Variants in PAN3 observed in about 807,000 individuals in gnomAD.
The protein encoded by PAN3 is PAN2-PAN3 deadenylation complex subunit PAN3.
Under a neutral mutation model 96.2 loss-of-function variants are expected in PAN3, and 19 were observed. The ratio of observed to expected loss-of-function variants is 0.20; its 90% CI spans 0.14 to 0.29. PAN3 has a LOEUF of 0.29. Ranked by LOEUF, PAN3 falls within the 10% of genes least tolerant of loss-of-function variation. The probability of loss-of-function intolerance (pLI) is 1.00; values close to 1 mark genes in which losing one functional copy is unlikely to be tolerated. For synonymous variants in PAN3, 433 were observed against 406.6 expected (o/e 1.06, Z -0.78); for missense variants, 882 against 1,108.1 (o/e 0.80, Z 2.90).
intron 5 of PAN3, among the ~76,000 whole-genome samples, chr13:28,209,148 C>T (rs774669309): frequency 4.6e-5 from 7 of 151,712 alleles, no homozygotes; most frequent in Non-Finnish European, 8.8e-5. Context: ...GTTTTTTTTA[C>T]CCCAAATATT....
At chr13:28,189,251 C>G (rs2138184125) in intron 4 of PAN3, among the ~76,000 whole-genome samples, 2 of 152,310 alleles carry the variant, frequency 1.3e-5, no homozygotes, top group Non-Finnish European at 2.9e-5. Context: ...GGCGTGGTGG[C>G]TCACGCCTGT....
chr13:28,150,697 T>A (rs1871262502), intron 1 of PAN3, among the ~76,000 whole-genome samples: 1 of 152,090 alleles, frequency 6.6e-6, no homozygotes, highest in Non-Finnish European at 1.5e-5. Flanking sequence ...AAACTTAGAT[T>A]ATGACAAGCA....
chr13:28,145,432 C>T (rs1870504672), intron 1 of PAN3, among the ~76,000 whole-genome samples: 1 of 152,016 alleles, frequency 6.6e-6, no homozygotes, highest in Non-Finnish European at 1.5e-5. Flanking sequence ...TCAAGCAATT[C>T]TCATGCCATA....
At chr13:28,201,076 A>C (rs1320900610) in intron 5 of PAN3, among the ~76,000 whole-genome samples, 2 of 150,250 alleles carry the variant, frequency 1.3e-5, no homozygotes, top group Non-Finnish European at 3.0e-5. Flanking sequence ...TCTGTTACCC[A>C]GGCTGGAATG....
At chr13:28,144,211 G>GTTTTTTTTTTT (rs972669575) in intron 1 of PAN3, among the ~76,000 whole-genome samples, 19 of 101,526 alleles carry the variant, frequency 1.9e-4, no homozygotes, top group South Asian at 3.2e-4. Flanking sequence ...AAGTTTTTTT[G>GTTTTTTTTTTT]TTTTTTTTTT....
intron 1 of PAN3, among the ~76,000 whole-genome samples, chr13:28,139,925 TTC>T (rs1308537780): frequency 3.9e-5 from 6 of 152,038 alleles, no homozygotes; most frequent in African/African-American, 1.4e-4. Context: ...CTGTTTATAT[TTC>T]TTTTTCATGT....
intron 1 of PAN3, among the ~76,000 whole-genome samples, chr13:28,171,929 G>A (rs1407576929): frequency 6.6e-6 from 1 of 152,060 alleles, no homozygotes; most frequent in Non-Finnish European, 1.5e-5. Flanking sequence ...TAGAACAAAC[G>A]CTACTCCTAT....
chr13:28,139,936 G>GTGTTGTTGT (rs568234142), intron 1 of PAN3, among the ~76,000 whole-genome samples: 8 of 151,644 alleles, frequency 5.3e-5, no homozygotes, highest in East Asian at 1.9e-4. Context: ...TCTTTTTCAT[G>GTGTTGTTGT]TGTTGTTGTT....
intron 18 of PAN3, among the ~76,000 whole-genome samples, chr13:28,289,837 G>C (rs1431683075): frequency 3.9e-5 from 6 of 152,162 alleles, no homozygotes; most frequent in Admixed American, 3.9e-4. Context: ...AGCCGAGATT[G>C]GGCCACTGCA....
intron 14 of PAN3, among the ~76,000 whole-genome samples, chr13:28,276,624 C>G (rs1467304128): frequency 6.6e-6 from 1 of 152,108 alleles, no homozygotes; most frequent in Non-Finnish European, 1.5e-5. Flanking sequence ...GAAAAATAGT[C>G]TATTTGGAAA....
At chr13:28,221,702 C>T (rs775145128) in intron 6 of PAN3, among the ~76,000 whole-genome samples, 20 of 152,122 alleles carry the variant, frequency 1.3e-4, no homozygotes, top group Admixed American at 3.9e-4. Flanking sequence ...GTTCCCTTAC[C>T]TTTTCTTCTA....
chr13:28,223,566 T>G (rs1182805638), intron 6 of PAN3, among the ~76,000 whole-genome samples: 1 of 152,098 alleles, frequency 6.6e-6, no homozygotes, highest in African/African-American at 2.4e-5. Context: ...TTTTTGTTTT[T>G]TGTTTTTTGT....
At chr13:28,287,478 C>T (rs538074671) in intron 17 of PAN3, among the ~76,000 whole-genome samples, 235 of 152,304 alleles carry the variant, frequency 1.5e-3, no homozygotes, top group African/African-American at 4.8e-3. Flanking sequence ...CTGTTTCCTA[C>T]TAGACTGTAA....
intron 7 of PAN3, among the ~76,000 whole-genome samples, chr13:28,257,758 AATTATATATT>A (rs1885319302): frequency 7.3e-6 from 1 of 137,916 alleles, no homozygotes; most frequent in Non-Finnish European, 1.5e-5. Flanking sequence ...ATATATAATT[AATTATATATT>A]ATATATAAAT....
chr13:28,215,322 G>C, intron 5 of PAN3: 1 of 738,564 alleles, frequency 1.4e-6, no homozygotes, highest in South Asian at 1.4e-5. Context: ...AGTGGAGACT[G>C]GTGTTCTCAA....
chr13:28,147,497 C>T (rs1298139117), intron 1 of PAN3, among the ~76,000 whole-genome samples: 1 of 152,186 alleles, frequency 6.6e-6, no homozygotes, highest in African/African-American at 2.4e-5. Flanking sequence ...CATAGCTTAG[C>T]CTAGCCTACC....
chr13:28,183,475 A>G (rs993883711), intron 4 of PAN3, among the ~76,000 whole-genome samples: 1 of 152,204 alleles, frequency 6.6e-6, no homozygotes, highest in African/African-American at 2.4e-5. Context: ...AATGTGTGCC[A>G]TCTCAGCCTA....
At chr13:28,283,916 A>G (rs1006398298) in intron 17 of PAN3, among the ~76,000 whole-genome samples, 13 of 152,270 alleles carry the variant, frequency 8.5e-5, no homozygotes, top group African/African-American at 2.6e-4. Flanking sequence ...AGTTTATCCT[A>G]TGGATGTGTT....
chr13:28,175,309 A>G (rs968713648), intron 2 of PAN3, among the ~76,000 whole-genome samples: 10 of 152,176 alleles, frequency 6.6e-5, no homozygotes, highest in Admixed American at 5.2e-4. Flanking sequence ...CAGTGGCGCA[A>G]TCATGGCCCA....
Sources: gnomAD v4.1 joint callset for allele counts (sites outside exome capture counted in the v4.1 genomes callset) on GRCh38, gnomAD v4.1.1 for gene constraint, MANE v1.5 for transcripts, NCBI Gene and HGNC (gene_info 2026-07-23, HGNC 2026-07-21) for gene names.